THAP12: variants seen among roughly 807,000 people sequenced by gnomAD.
The protein encoded by THAP12 is 52 kDa repressor of the inhibitor of the protein kinase.
Under a neutral mutation model 63.0 loss-of-function variants are expected in THAP12, and 20 were observed. The observed-to-expected ratio is 0.32, with a 90% CI of 0.22 to 0.46. THAP12 has a LOEUF of 0.46. THAP12 is among the 20% of genes least tolerant of loss of function. The probability of loss-of-function intolerance (pLI) is 1.00; values close to 1 mark genes in which losing one functional copy is unlikely to be tolerated. For synonymous variants in THAP12, 264 were observed against 328.4 expected (o/e 0.80, Z 2.12); for missense variants, 568 against 908.2 (o/e 0.63, Z 4.81).
chr11:76,358,791 G>A (rs964634939), intron 3 of THAP12: 1 of 152,090 alleles, frequency 6.6e-6, no homozygotes, highest in Admixed American at 6.5e-5. Flanking sequence ...TTGGGTGACA[G>A]AGTGAGACCC....
In THAP12 at chr11:76,351,982, A is replaced by G; in HGVS notation, c.1168T>C (p.Phe390Leu). ...ALGTIEEVCS[F>L]FHRSPQLLLE... Reference sequence around the variant, plus strand: ...AGCAGTTGTGGTGATCGATGGAAAAAAGAACAAACTTCCTCAATTGTTCCT... The same window carrying G: ...AGCAGTTGTGGTGATCGATGGAAAAGAGAACAAACTTCCTCAATTGTTCCT... Residue 390 changes from phenylalanine to leucine, a missense_variant, in exon 5 of 5, where the codon TTT (phenylalanine) becomes CTT (leucine). Coordinates refer to ENST00000260045, the MANE Select transcript of THAP12 (RefSeq NM_004705.4). 1 of 1,606,164 alleles carries G rather than the reference A, an allele frequency of 6.2e-7. No homozygotes were observed.
Position 76,381,071 on chromosome 11 carries a change from C to T in THAP12, c.-235G>A. On this transcript the variant is annotated 5_prime_UTR_variant, in exon 1 of 5. Coordinates refer to ENST00000260045, the MANE Select transcript of THAP12 (RefSeq NM_004705.4). ...GTGAGCGGCCGGGAGGATTTACCGC[C>T]GCCGCCGCCGCTGGTGCACCTCCCG... 9.9e-6 allele frequency: 2 copies of T among 201,070 alleles called. No homozygotes were observed. The highest frequency in any genetic ancestry group is 2.0e-5 in the Non-Finnish European group (2 of 101,114). The allele number at this position is 201,070 out of a possible 1,614,324, so 12.5% of individuals were successfully genotyped here.
chr11:76,352,381 A>T lies in THAP12; in HGVS notation c.769T>A (p.Ser257Thr), dbSNP rs1946533460. 12 of 1,611,910 alleles carry T rather than the reference A, an allele frequency of 7.4e-6. No homozygotes were observed. Among genetic ancestry groups the T allele is most frequent in the Non-Finnish European group, 1.0e-5 (12 of 1,179,862 alleles). Reference sequence around the variant, plus strand: ...TCAGTGATAATGGAAAAGAAGTGTGAGTCTCTCACTTCCCTGAGAGTTTCT... The same window carrying T: ...TCAGTGATAATGGAAAAGAAGTGTGTGTCTCTCACTTCCCTGAGAGTTTCT... ...REETLREVRDSHFFSIITDDV... is the reference protein window; with the variant it reads ...REETLREVRDTHFFSIITDDV... Residue 257 changes from serine to threonine, a missense_variant, in exon 5 of 5, where the codon TCA becomes ACA. Ser to Thr is a moderately conservative substitution (Grantham distance 58). Coordinates refer to ENST00000260045, the MANE Select transcript of THAP12 (RefSeq NM_004705.4).
intron 1 of THAP12, among the ~76,000 whole-genome samples, chr11:76,370,482 T>C (rs1946665695): frequency 6.6e-6 from 1 of 151,698 alleles, no homozygotes; most frequent in Non-Finnish European, 1.5e-5. Flanking sequence ...CCCACCTCAG[T>C]CTCCCATGTA....
At position 76,351,042 on chromosome 11, in the gene THAP12, C is replaced by CGCTTT. The variant is rs1305853273; in HGVS notation, c.2103_2107dup (p.Arg703GlnfsTer8). 1 of 1,611,866 alleles carries CGCTTT rather than the reference C, an allele frequency of 6.2e-7. No individual in the cohort carries two copies. The highest frequency in any genetic ancestry group is 1.3e-5 in the African/African-American group (1 of 74,848). Reference sequence around the variant, plus strand: ...AGTGTTCCTCAAATATGCTTTAAGACGCTTTCGTCCATTTTCATACCGCTC... The same window carrying CGCTTT: ...AGTGTTCCTCAAATATGCTTTAAGACGCTTTGCTTTCGTCCATTTTCATACCGCTC... On this transcript the variant is annotated frameshift_variant, in exon 5 of 5. Transcript: ENST00000260045. LOFTEE classifies it high-confidence loss of function.
intron 2 of THAP12, among the ~76,000 whole-genome samples, chr11:76,364,032 T>C (rs1001759788): frequency 6.6e-5 from 10 of 152,262 alleles, no homozygotes; most frequent in Non-Finnish European, 1.0e-4. Flanking sequence ...GGCTCATCTT[T>C]CTGTTCTATT....
chr11:76,370,344 A>C (rs569854795), intron 1 of THAP12, among the ~76,000 whole-genome samples: 9 of 150,284 alleles, frequency 6.0e-5, no homozygotes, highest in African/African-American at 2.2e-4. Context: ...ATCATTTGTG[A>C]TCTTCTGTGC....
chr11:76,353,891 C>A (rs937678842), intron 4 of THAP12, among the ~76,000 whole-genome samples: 2 of 152,192 alleles, frequency 1.3e-5, no homozygotes, highest in African/African-American at 4.8e-5. Flanking sequence ...TGCCTGTAGT[C>A]CCAGCTACTC....
At chr11:76,367,193 C>T (rs770790740) in intron 1 of THAP12, among the ~76,000 whole-genome samples, 21 of 151,898 alleles carry the variant, frequency 1.4e-4, no homozygotes, top group Admixed American at 5.9e-4. Flanking sequence ...TCTCCTGTCT[C>T]AGCCTCCCAA....
chr11:76,373,955 AAAAAT>A (rs1946691490), intron 1 of THAP12, among the ~76,000 whole-genome samples: 2 of 152,246 alleles, frequency 1.3e-5, no homozygotes, highest in Non-Finnish European at 2.9e-5. Flanking sequence ...TTTCCAAAAC[AAAAAT>A]ATTTAGTGAG....
At chr11:76,366,903 C>T (rs1463082510) in intron 1 of THAP12, among the ~76,000 whole-genome samples, 2 of 152,030 alleles carry the variant, frequency 1.3e-5, no homozygotes, top group South Asian at 2.1e-4. Flanking sequence ...CATGCCCTCT[C>T]GGTGCTTAAA....
intron 1 of THAP12, among the ~76,000 whole-genome samples, chr11:76,367,751 G>C (rs1946641742): frequency 6.6e-6 from 1 of 152,102 alleles, no homozygotes; most frequent in African/African-American, 2.4e-5. Context: ...TTAAATCACA[G>C]TATTTTTTTT....
chr11:76,378,273 A>G (rs1946725182), intron 1 of THAP12, among the ~76,000 whole-genome samples: 1 of 152,206 alleles, frequency 6.6e-6, no homozygotes. Context: ...AAATACAAAA[A>G]TTAGCCAGGC....
intron 1 of THAP12, among the ~76,000 whole-genome samples, chr11:76,366,419 C>T (rs534519245): frequency 2.0e-5 from 3 of 152,348 alleles, no homozygotes; most frequent in East Asian, 1.9e-4. Context: ...CGTGTTGTCA[C>T]GCCTGTAATC....
chr11:76,377,353 C>T (rs539526119), intron 1 of THAP12, among the ~76,000 whole-genome samples: 1 of 152,302 alleles, frequency 6.6e-6, no homozygotes, highest in African/African-American at 2.4e-5. Flanking sequence ...AATTCTAAAA[C>T]ATTTTCATCA....
intron 2 of THAP12, among the ~76,000 whole-genome samples, chr11:76,362,147 G>A (rs1946601878): frequency 6.6e-6 from 1 of 152,156 alleles, no homozygotes; most frequent in Non-Finnish European, 1.5e-5. Context: ...ATAAATAACT[G>A]CTATTACACT....
In THAP12 at chr11:76,352,482, G is replaced by A. The variant is rs1487359576; in HGVS notation, c.668C>T (p.Thr223Ile). The change falls in exon 5 of 5, where the codon ACA (threonine) becomes ATA (isoleucine). Residue 223 changes from threonine to isoleucine, a missense_variant. By Grantham distance (89) the Thr-to-Ile change is moderately conservative. Transcript: ENST00000260045. Reference sequence around the variant, plus strand: ...TGAACAAAACAACGTGTTAACTGCTGTTGTCTCAAACCGCTTTCTCAGAAC... The same window carrying A: ...TGAACAAAACAACGTGTTAACTGCTATTGTCTCAAACCGCTTTCTCAGAAC... ...EEVLRKRFET[T>I]AVNTLFCSKT... 1 of 1,611,868 alleles carries A rather than the reference G, an allele frequency of 6.2e-7. No homozygotes were observed. The highest frequency in any genetic ancestry group is 8.5e-7 in the Non-Finnish European group (1 of 1,179,850).
chr11:76,365,293 A>T (rs1590803526), intron 2 of THAP12, among the ~76,000 whole-genome samples: 5 of 119,000 alleles, frequency 4.2e-5, no homozygotes, highest in Admixed American at 8.5e-5. Flanking sequence ...GACTGTCTTT[A>T]AAAAAAAAAA....
rs1482832263 is a variant in THAP12, at chr11:76,365,963, C to T, written c.99G>A (p.Lys33=). 6.2e-7 allele frequency: 1 copy of T among 1,610,456 alleles called. No homozygotes were observed. The highest frequency in any genetic ancestry group is 8.5e-7 in the Non-Finnish European group (1 of 1,179,118). The change falls in exon 2 of 5, where the codon AAG becomes AAA. Residue 33 remains lysine, a synonymous_variant. Transcript: ENST00000260045. The stretch of plus-strand genomic sequence containing the variant: ...CTGCTCTCCTACAGTTCTCCACCCA[C>T]TTCTGGCATCTATAAATAAAACCAA... The part of the protein sequence containing the change: ...RFPRDPARCQ[K]WVENCRRADL...
Sources: allele counts gnomAD v4.1 joint callset (sites outside exome capture counted in the v4.1 genomes callset), GRCh38; gene constraint gnomAD v4.1.1; transcripts MANE v1.5; gene names NCBI Gene and HGNC (gene_info 2026-07-23, HGNC 2026-07-21).